Variants in CEP112 observed in about 807,000 individuals in gnomAD.
The protein encoded by CEP112 is centrosomal protein 112, also known as centrosomal protein of 112 kDa.
In CEP112, 127 loss-of-function variants were observed where a neutral mutation model predicts 153.0. That is an observed-to-expected ratio of 0.83 (90% confidence interval 0.72 to 0.96). The LOEUF (loss-of-function observed/expected upper bound fraction) is 0.96, where lower values mean the gene tolerates loss of function less well. CEP112 is among the 40% of genes least tolerant of loss of function. CEP112 has a pLI of 0.00. For synonymous variants in CEP112, 358 were observed against 374.4 expected, an observed-to-expected ratio of 0.96 and a Z score of 0.51; for missense variants, 1,089 against 1,101.2, an observed-to-expected ratio of 0.99 and a Z score of 0.16.
chr17:65,767,239 GAAAATTCA>G (rs1333956836), intron 21 of CEP112, among the ~76,000 whole-genome samples: 3 of 151,930 alleles, frequency 2.0e-5, no homozygotes, highest in Non-Finnish European at 2.9e-5. Flanking sequence ...ATTAACTTTG[GAAAATTCA>G]CAAATATGTG....
At chr17:65,823,262 T>C (rs2056679324) in intron 21 of CEP112, among the ~76,000 whole-genome samples, 1 of 152,150 alleles carries the variant, frequency 6.6e-6, no homozygotes, top group Non-Finnish European at 1.5e-5. Flanking sequence ...GGACAACTTA[T>C]ACTACCTATC....
chr17:65,642,267 T>TATCATACCAAGTGATTC (rs1376090177), intron 24 of CEP112, among the ~76,000 whole-genome samples: 1 of 152,212 alleles, frequency 6.6e-6, no homozygotes, highest in Non-Finnish European at 1.5e-5. Flanking sequence ...AGTTGCAGTG[T>TATCATACCAAGTGATTC]ATCATACCAA....
At chr17:65,757,517 C>G (rs1042530079) in intron 21 of CEP112, among the ~76,000 whole-genome samples, 3 of 152,168 alleles carry the variant, frequency 2.0e-5, no homozygotes, top group Admixed American at 1.3e-4. Flanking sequence ...CAGGAAGCAT[C>G]AGGACCCACT....
intron 4 of CEP112, among the ~76,000 whole-genome samples, chr17:66,166,768 G>C (rs1271415003): frequency 1.3e-5 from 2 of 152,062 alleles, no homozygotes; most frequent in South Asian, 4.1e-4. Flanking sequence ...GCCAGGCGTG[G>C]TGGCACACGC....
intron 21 of CEP112, 91 bp from the exon 22 acceptor site, chr17:65,750,815 G>T: frequency 8.7e-7 from 1 of 1,152,070 alleles, no homozygotes; most frequent in Non-Finnish European, 1.3e-6. Context: ...TGGGATGCCT[G>T]CCAGCTGCAC....
intron 20 of CEP112, among the ~76,000 whole-genome samples, chr17:65,887,401 C>T (rs2059318450): frequency 6.6e-6 from 1 of 152,186 alleles, no homozygotes; most frequent in Non-Finnish European, 1.5e-5. Flanking sequence ...GTTTATATAT[C>T]ACAAAATCAC....
chr17:65,993,600 A>T (rs1221425037), intron 17 of CEP112, among the ~76,000 whole-genome samples: 1 of 152,204 alleles, frequency 6.6e-6, no homozygotes, highest in Non-Finnish European at 1.5e-5. Flanking sequence ...CCAAATGAAT[A>T]TTGACAGTAG....
chr17:66,167,272 G>A (rs1018065180), intron 4 of CEP112, among the ~76,000 whole-genome samples: 1 of 152,022 alleles, frequency 6.6e-6, no homozygotes, highest in African/African-American at 2.4e-5. Flanking sequence ...AACAAGCAAG[G>A]CCCTGATGAA....
chr17:65,805,134 C>T (rs575577819), intron 21 of CEP112, among the ~76,000 whole-genome samples: 1 of 152,212 alleles, frequency 6.6e-6, no homozygotes, highest in South Asian at 2.1e-4. Flanking sequence ...AGGCAGGAGC[C>T]ACCATACCTG....
chr17:66,097,398 G>A (rs2068393201), intron 6 of CEP112, among the ~76,000 whole-genome samples: 1 of 152,102 alleles, frequency 6.6e-6, no homozygotes, highest in Non-Finnish European at 1.5e-5. Context: ...GCATCTCCCT[G>A]TTTCAAAACA....
Position 66,112,845 on chromosome 17 carries a change from C to G in CEP112, c.643-16213G>C, listed in dbSNP as rs2069120597. Among the ~76,000 whole-genome samples the G allele has an allele frequency of 2.0e-5, 3 of 152,184 alleles. No individual in the cohort carries two copies. In the South Asian group the frequency reaches 6.2e-4, roughly 32 times the overall value. ...CCTGTAATCCTAGCTACTTCAGAGG[C>G]TGAGGCAGGAGAATCGCTTGAACCC... On this transcript the variant is annotated intron_variant, in intron 6 of 26. Coordinates refer to ENST00000535342, the MANE Select transcript of CEP112 (RefSeq NM_001199165.4).
At chr17:65,807,855 C>A (rs2055704192) in intron 21 of CEP112, among the ~76,000 whole-genome samples, 1 of 152,232 alleles carries the variant, frequency 6.6e-6, no homozygotes, top group Admixed American at 6.5e-5. Context: ...TAAAGCAGTG[C>A]AGAGGGGAAA....
At chr17:66,022,333 T>G (rs368434836) in intron 16 of CEP112, among the ~76,000 whole-genome samples, 2 of 152,168 alleles carry the variant, frequency 1.3e-5, no homozygotes, top group African/African-American at 4.8e-5. Context: ...ACCAGAAGTA[T>G]GAAAAAGCAG....
At chr17:65,845,984 G>A (rs1156999688) in intron 21 of CEP112, among the ~76,000 whole-genome samples, 5 of 152,110 alleles carry the variant, frequency 3.3e-5, no homozygotes, top group Admixed American at 2.6e-4. Flanking sequence ...CCTTAACATC[G>A]TAAGTGCTAC....
intron 8 of CEP112, among the ~76,000 whole-genome samples, chr17:66,077,452 A>G (rs2146139491): frequency 6.6e-6 from 1 of 152,318 alleles, no homozygotes; most frequent in Non-Finnish European, 1.5e-5. Context: ...AACAAAAAGA[A>G]GAAAGAAACT....
chr17:66,132,751 G>A lies in CEP112; in HGVS notation c.483C>T (p.Tyr161=), dbSNP rs372697835. 6 of 1,612,886 alleles carry A rather than the reference G, an allele frequency of 3.7e-6. No homozygotes were observed. Among genetic ancestry groups the A allele is most frequent in the East Asian group, 2.2e-5 (1 of 44,854 alleles). ...GTGATCTCACTCGGAGCTTCCCAGT[G>A]TACTGTTCCCTGCTAAGAGACCAAA... ...SPTDVYSREQ[Y]TGKLRVRSHS... Residue 161 remains tyrosine, a synonymous_variant, in exon 5 of 27, where the codon TAC becomes TAT. Coordinates refer to ENST00000535342, the MANE Select transcript of CEP112 (RefSeq NM_001199165.4).
At position 66,030,041 on chromosome 17, in the gene CEP112, G is replaced by C. The variant is rs2065397071; in HGVS notation, c.1219-18C>G. The C allele has an allele frequency of 1.9e-6, 3 of 1,605,426 alleles. No individual in the cohort carries two copies. The African/African-American group carries it at 4.0e-5, about 22-fold the overall frequency. ...ATGTGGTTCTAAAAGAACAGGTCAT[G>C]GTTAAGAAAGTCTCTGACTCAGTTG... On this transcript the variant is annotated intron_variant, in intron 12 of 26. Coordinates refer to ENST00000535342, the MANE Select transcript of CEP112 (RefSeq NM_001199165.4).
intron 16 of CEP112, among the ~76,000 whole-genome samples, chr17:66,026,102 G>C (rs2145675709): frequency 6.6e-6 from 1 of 152,194 alleles, no homozygotes; most frequent in South Asian, 2.1e-4. Context: ...AGTGTGGAGA[G>C]TGTGGAATGA....
rs761850115 is a variant in CEP112 at position 66,176,857 on chromosome 17, C to G, written c.270G>C (p.Gly90=). 6.2e-7 allele frequency: 1 copy of G among 1,611,178 alleles called. No homozygotes were observed. Among genetic ancestry groups the G allele is most frequent in the Admixed American group, 1.7e-5 (1 of 59,438 alleles). The change falls in exon 3 of 27, where the codon GGG becomes GGC. Residue 90 remains glycine, a synonymous_variant. Coordinates refer to ENST00000535342, the MANE Select transcript of CEP112 (RefSeq NM_001199165.4). ...TGTATGAAGGTAGAATTTTTAGTGT[C>G]CCGGGTTCAGGTCGGTGTGTAAAAG... is the stretch of plus-strand genomic sequence containing the variant. ...EGPFTHRPEP[G]TLKILPSYMS...
Sources: gnomAD v4.1 joint callset for allele counts (sites outside exome capture counted in the v4.1 genomes callset) on GRCh38, gnomAD v4.1.1 for gene constraint, MANE v1.5 for transcripts, NCBI Gene and HGNC (gene_info 2026-07-23, HGNC 2026-07-21) for gene names.